The following CD1B variants were observed in gnomAD, a reference collection of about 807,000 sequenced individuals.
CD1B encodes the protein T-cell surface glycoprotein CD1b.
In CD1B, 43 loss-of-function variants were observed where a neutral mutation model predicts 39.8. That is an observed-to-expected ratio of 1.08 (90% CI 0.85 to 1.39). The LOEUF (loss-of-function observed/expected upper bound fraction) is 1.39. Ranked by LOEUF, CD1B falls within the 40% of genes most tolerant of loss-of-function variation. CD1B has a pLI of 0.00. For missense variants in CD1B, 495 were observed against 403.8 expected, an observed-to-expected ratio of 1.23 and a Z score of -1.94; for synonymous variants, 192 against 152.5, an observed-to-expected ratio of 1.26 and a Z score of -1.91.
rs779584095 is a variant in CD1B, at chr1:158,328,931, T to C, written c.970A>G (p.Met324Val). Residue 324 changes from methionine (M) to valine (V), a missense_variant, in exon 5 of 6, where the codon ATG becomes GTG. Coordinates refer to ENST00000368168, the MANE Select transcript of CD1B (RefSeq NM_001764.3). Reference protein sequence around the residue: ...LLLLCLALWYMRRRSYQNIP With the variant: ...LLLLCLALWYVRRRSYQNIP ...CCACCCACAACTCACCGGCGCCTCA[T>C]ATACCATAATGCAAGGCATAGCAAA... 5 of 1,609,078 alleles carry C rather than the reference T, an allele frequency of 3.1e-6. No individual in the cohort carries two copies. The highest frequency in any genetic ancestry group is 2.2e-5 in the South Asian group (2 of 90,334).
chr1:158,315,461 A>G, the CD1B span, among the ~76,000 whole-genome samples: 3 of 152,082 alleles, frequency 2.0e-5, no homozygotes, highest in African/African-American at 7.2e-5. Flanking sequence ...TCTTCTTTTG[A>G]GAAGTGTCTG....
the CD1B span, among the ~76,000 whole-genome samples, chr1:158,302,597 A>C: frequency 6.6e-6 from 1 of 152,124 alleles, no homozygotes; most frequent in Non-Finnish European, 1.5e-5. Context: ...GAAATGACAA[A>C]GGGGGCATTG....
At chr1:158,327,041 C>T (rs1652378590), downstream of CD1B, among the ~76,000 whole-genome samples, 1 of 152,190 alleles carries the variant, frequency 6.6e-6, no homozygotes, top group Non-Finnish European at 1.5e-5. Flanking sequence ...AGGTGATCCA[C>T]CTGCCTCGGC....
At chr1:158,295,634 C>T in the CD1B span, among the ~76,000 whole-genome samples, 11 of 152,124 alleles carry the variant, frequency 7.2e-5, no homozygotes, top group African/African-American at 2.4e-4. Context: ...CAGACCTGGA[C>T]AGAATAGGGC....
chr1:158,291,524 C>A, the CD1B span: 33 of 953,502 alleles, frequency 3.5e-5, no homozygotes, highest in Non-Finnish European at 4.7e-5. Flanking sequence ...CATAGATGAA[C>A]CTTTTAAGGG....
chr1:158,316,795 T>G, the CD1B span, among the ~76,000 whole-genome samples: 1 of 151,854 alleles, frequency 6.6e-6, no homozygotes, highest in South Asian at 2.1e-4. Context: ...GCTGTGGGTT[T>G]GTCATAGATA....
chr1:158,328,407 T>C (rs925435506), intron 5 of CD1B, 150 bp from the exon 6 acceptor site: 1 of 559,788 alleles, frequency 1.8e-6, no homozygotes. Context: ...TATACGCATA[T>C]GGTGGAATAT....
chr1:158,294,804 A>G, the CD1B span, among the ~76,000 whole-genome samples: 3 of 152,242 alleles, frequency 2.0e-5, no homozygotes, highest in Non-Finnish European at 4.4e-5. Context: ...AGTTTAGCAT[A>G]TGGTTGTAAG....
In CD1B at chr1:158,329,906, G is replaced by A. The variant is rs750576040; in HGVS notation, c.553C>T (p.Pro185Ser). Residue 185 changes from proline to serine, a missense_variant, in exon 3 of 6, where the codon CCC (proline) becomes TCC (serine). Pro to Ser is a moderately conservative substitution (Grantham distance 74). Transcript: ENST00000368168. ...TVRILLYETC[P>S]RYLLGVLNAG... is the part of the protein sequence containing the mutation. ...TTGAGGACGCCCAAGAGATATCGGG[G>A]GCAGGTTTCATAGAGGAGAATTCTC... 1.2e-6 allele frequency: 2 copies of A among 1,614,106 alleles called. No homozygotes were observed. Among genetic ancestry groups the A allele is most frequent in the Non-Finnish European group, 1.7e-6 (2 of 1,180,030 alleles).
chr1:158,305,049 C>T, the CD1B span, among the ~76,000 whole-genome samples: 31 of 152,164 alleles, frequency 2.0e-4, no homozygotes, highest in Admixed American at 9.2e-4. Context: ...TCCAAGGGAA[C>T]GCAGCTCCTC....
intron 5 of CD1B, among the ~76,000 whole-genome samples, 165 bp from the exon 6 acceptor site, chr1:158,328,422 C>G (rs935745176): frequency 2.7e-4 from 41 of 152,094 alleles, no homozygotes; most frequent in Admixed American, 7.9e-4. Context: ...GAATATTGTT[C>G]AGTTTCAAAA....
the CD1B span, among the ~76,000 whole-genome samples, chr1:158,297,274 C>A: frequency 6.6e-6 from 1 of 152,086 alleles, no homozygotes. Flanking sequence ...ACCTTAGAAG[C>A]CAGAAGACAT....
At chr1:158,285,534 A>T in the CD1B span, among the ~76,000 whole-genome samples, 1 of 152,236 alleles carries the variant, frequency 6.6e-6, no homozygotes, top group Non-Finnish European at 1.5e-5. Context: ...AGTAGAAAGC[A>T]ATATGAGATC....
intron 2 of CD1B, 110 bp from the exon 3 acceptor site, chr1:158,330,240 AATG>A: frequency 2.1e-6 from 2 of 968,532 alleles, no homozygotes; most frequent in East Asian, 2.4e-5. Flanking sequence ...TTTGGTGTAA[AATG>A]ATGATGAGCT....
chr1:158,296,115 C>T, the CD1B span, among the ~76,000 whole-genome samples: 2 of 152,010 alleles, frequency 1.3e-5, no homozygotes, highest in East Asian at 3.9e-4. Flanking sequence ...GCTGCCAGTA[C>T]ATGCATGTGA....
chr1:158,325,914 G>A (rs557813489), downstream of CD1B, among the ~76,000 whole-genome samples: 1 of 152,258 alleles, frequency 6.6e-6, no homozygotes, highest in Admixed American at 6.5e-5. Flanking sequence ...TGCCTCTTGT[G>A]AGATATACAT....
chr1:158,303,510 T>A, the CD1B span, among the ~76,000 whole-genome samples: 1 of 152,202 alleles, frequency 6.6e-6, no homozygotes, highest in Non-Finnish European at 1.5e-5. Flanking sequence ...TATGAATCTA[T>A]ACCTAGAAAA....
chr1:158,305,834 C>A, the CD1B span, among the ~76,000 whole-genome samples: 2 of 152,136 alleles, frequency 1.3e-5, no homozygotes, highest in African/African-American at 4.8e-5. Context: ...CCAAACTAAG[C>A]TTCATAAGTG....
the CD1B span, among the ~76,000 whole-genome samples, chr1:158,317,935 A>C: frequency 6.6e-6 from 1 of 152,218 alleles, no homozygotes; most frequent in Non-Finnish European, 1.5e-5. Flanking sequence ...GTAGTCATTC[A>C]GAAGCAGGTT....
Sources: allele counts gnomAD v4.1 joint callset (sites outside exome capture counted in the v4.1 genomes callset), GRCh38; gene constraint gnomAD v4.1.1; transcripts MANE v1.5; gene names NCBI Gene and HGNC (gene_info 2026-07-23, HGNC 2026-07-21).